Variants in EMCN observed in about 807,000 individuals in gnomAD.
EMCN encodes the protein MUC-14.
Under a neutral mutation model 38.4 loss-of-function variants are expected in EMCN, and 37 were observed. That is an observed-to-expected ratio of 0.96 (90% confidence interval 0.74 to 1.27). The LOEUF (loss-of-function observed/expected upper bound fraction) is 1.27, where lower values mean the gene tolerates loss of function less well. Ranked by LOEUF, EMCN falls within the 50% of genes most tolerant of loss-of-function variation. The pLI, the probability that EMCN is intolerant of heterozygous loss-of-function variation, is 0.00. For synonymous variants in EMCN, 95 were observed against 100.8 expected, an observed-to-expected ratio of 0.94 and a Z score of 0.35; for missense variants, 318 against 302.8, an observed-to-expected ratio of 1.05 and a Z score of -0.37.
chr4:100,513,434 A>G (rs1056288554), intron 1 of EMCN, among the ~76,000 whole-genome samples: 5 of 152,140 alleles, frequency 3.3e-5, no homozygotes, highest in African/African-American at 1.2e-4. Flanking sequence ...TCCAACTTCT[A>G]TTTCTGTAAA....
chr4:100,500,418 C>T (rs985606173), intron 1 of EMCN, among the ~76,000 whole-genome samples: 1 of 151,958 alleles, frequency 6.6e-6, no homozygotes, highest in Admixed American at 6.6e-5. Flanking sequence ...TAAATCTTAG[C>T]GAAAACCTGG....
Position 100,421,495 on chromosome 4 carries a change from A to G in EMCN, c.569-118T>C, listed in dbSNP as rs1726887205. On this transcript the variant is annotated intron_variant, in intron 7 of 11. Transcript: ENST00000296420. ...CTTCTTTAAATATCATTCTATTAAA[A>G]ACATATTTTAGGCAAAGATTCCTCT... The G allele has an allele frequency of 1.0e-5, 8 of 772,536 alleles. No homozygotes were observed. In the South Asian group the frequency reaches 1.2e-4, roughly 12 times the overall value. The allele number at this position is 772,536 out of a possible 1,614,324, so 47.9% of individuals were successfully genotyped here.
chr4:100,441,623 T>C (rs772761674), intron 5 of EMCN, among the ~76,000 whole-genome samples: 1 of 152,224 alleles, frequency 6.6e-6, no homozygotes, highest in African/African-American at 2.4e-5. Context: ...TTTTCTGTAG[T>C]GTTAATCCTT....
intron 1 of EMCN, among the ~76,000 whole-genome samples, chr4:100,497,544 T>A (rs899744536): frequency 3.9e-5 from 6 of 152,018 alleles, no homozygotes; most frequent in African/African-American, 1.4e-4. Flanking sequence ...GCCTGGCTAA[T>A]TTTTTTGTAT....
chr4:100,467,778 A>T (rs886723141), intron 3 of EMCN, among the ~76,000 whole-genome samples: 1 of 151,840 alleles, frequency 6.6e-6, no homozygotes, highest in African/African-American at 2.4e-5. Flanking sequence ...CACATAGTTT[A>T]TTCCAAACTA....
chr4:100,404,132 G>T (rs1027808106), intron 11 of EMCN, among the ~76,000 whole-genome samples: 1 of 151,258 alleles, frequency 6.6e-6, no homozygotes, highest in Admixed American at 6.6e-5. Flanking sequence ...TCATCATGAA[G>T]ACTGATGCAC....
In EMCN at chr4:100,445,243, T is replaced by C. The variant is rs555321225; in HGVS notation, c.415+2290A>G. The stretch of plus-strand genomic sequence containing the variant: ...AGCTTTTAGTTGGCCATCTTGCTGA[T>C]GTCACCAACATGGATCTATTTTTGT... On this transcript the variant is annotated intron_variant, in intron 5 of 11. Coordinates refer to ENST00000296420, the MANE Select transcript of EMCN (RefSeq NM_016242.4). Among the ~76,000 whole-genome samples the C allele has an allele frequency of 2.0e-5, 3 of 152,328 alleles. No individual in the cohort carries two copies. The East Asian group carries it at 5.8e-4, about 29-fold the overall frequency.
At position 100,490,178 on chromosome 4, in the gene EMCN, A is replaced by G. The variant is rs186508397; in HGVS notation, c.65-10139T>C. 9.2e-3 allele frequency among the ~76,000 whole-genome samples: 1,389 copies of G among 151,396 alleles called. 23 individuals are homozygous for G. Among genetic ancestry groups the G allele is most frequent in the African/African-American group, 0.032 (1,308 of 41,338 alleles). On this transcript the variant is annotated intron_variant, in intron 1 of 11. Transcript: ENST00000296420. ...ATTTTTTACAACTTGAAAAAGTAAA[A>G]AAAAAAAAAAAGATTAAAAACAGAA...
intron 5 of EMCN, among the ~76,000 whole-genome samples, chr4:100,442,764 G>C (rs1324359389): frequency 6.6e-6 from 1 of 151,882 alleles, no homozygotes; most frequent in Non-Finnish European, 1.5e-5. Flanking sequence ...ATTATATAAT[G>C]AATTGTTTTC....
chr4:100,404,476 A>G (rs72919511), intron 11 of EMCN, among the ~76,000 whole-genome samples: 7,036 of 151,884 alleles, frequency 0.046, 575 homozygotes, highest in African/African-American at 0.16. Context: ...ATCATTTGTC[A>G]TACTGTACTA....
chr4:100,440,379 C>T (rs188823230), intron 5 of EMCN, among the ~76,000 whole-genome samples: 2 of 151,988 alleles, frequency 1.3e-5, no homozygotes, highest in East Asian at 3.9e-4. Flanking sequence ...GTTTGTATTC[C>T]TAGCCTCACT....
intron 1 of EMCN, among the ~76,000 whole-genome samples, chr4:100,482,910 A>G (rs1728849325): frequency 6.6e-6 from 1 of 152,148 alleles, no homozygotes; most frequent in African/African-American, 2.4e-5. Context: ...GAAAACTACA[A>G]TTAAGTGAAT....
chr4:100,413,400 G>A (rs1287912593), intron 10 of EMCN, among the ~76,000 whole-genome samples: 1 of 151,894 alleles, frequency 6.6e-6, no homozygotes, highest in African/African-American at 2.4e-5. Context: ...TAGGAAAGAT[G>A]TCAGTATTAG....
At chr4:100,479,333 A>G (rs1297247604) in intron 2 of EMCN, among the ~76,000 whole-genome samples, 2 of 152,148 alleles carry the variant, frequency 1.3e-5, no homozygotes, top group East Asian at 1.9e-4. Context: ...CAAGATGGGC[A>G]GATGCAGTAT....
At chr4:100,473,023 T>TATA (rs1285081116) in intron 3 of EMCN, among the ~76,000 whole-genome samples, 16 of 77,618 alleles carry the variant, frequency 2.1e-4, no homozygotes, top group African/African-American at 5.0e-4. Flanking sequence ...ATATATATAT[T>TATA]TTTTTTTTTT....
intron 4 of EMCN, among the ~76,000 whole-genome samples, chr4:100,460,478 C>T (rs984263281): frequency 2.6e-5 from 4 of 152,056 alleles, no homozygotes; most frequent in South Asian, 4.2e-4. Context: ...GCAGGGGAGG[C>T]GTCACAATCA....
At chr4:100,483,009 T>C (rs1441629693) in intron 1 of EMCN, among the ~76,000 whole-genome samples, 1 of 152,122 alleles carries the variant, frequency 6.6e-6, no homozygotes, top group Non-Finnish European at 1.5e-5. Context: ...TGATTTCCCC[T>C]GAGTCAAACT....
chr4:100,411,063 A>G (rs1222776391), intron 10 of EMCN, among the ~76,000 whole-genome samples: 1 of 152,204 alleles, frequency 6.6e-6, no homozygotes, highest in East Asian at 1.9e-4. Flanking sequence ...GGCTTTTAGA[A>G]TAATTCTCAT....
chr4:100,410,244 T>G (rs1726514067), intron 11 of EMCN, 38 bp downstream of exon 11: 1 of 1,339,982 alleles, frequency 7.5e-7, no homozygotes, highest in Non-Finnish European at 1.1e-6. Flanking sequence ...AAAACAGATA[T>G]TAATGATTGT....
Sources: gnomAD v4.1 joint callset for allele counts (sites outside exome capture counted in the v4.1 genomes callset) on GRCh38, gnomAD v4.1.1 for gene constraint, MANE v1.5 for transcripts, NCBI Gene and HGNC (gene_info 2026-07-23, HGNC 2026-07-21) for gene names.